MAP3K7CL: variants seen among roughly 807,000 people sequenced by gnomAD.
MAP3K7CL encodes the protein MAP3K7 C-terminal like.
Under a neutral mutation model 18.6 loss-of-function variants are expected in MAP3K7CL, and 16 were observed. That is an observed-to-expected ratio of 0.86 (90% CI 0.58 to 1.31). MAP3K7CL has a LOEUF of 1.31. MAP3K7CL is among the 50% of genes most tolerant of loss of function. MAP3K7CL has a pLI of 0.00. For missense variants in MAP3K7CL, 163 were observed against 174.4 expected, an observed-to-expected ratio of 0.93 and a Z score of 0.37; for synonymous variants, 65 against 66.8, an observed-to-expected ratio of 0.97 and a Z score of 0.13.
intron 4 of MAP3K7CL, chr21:29,109,090 T>G (rs2086374480): frequency 6.5e-7 from 1 of 1,535,166 alleles, no homozygotes; most frequent in South Asian, 1.2e-5. Flanking sequence ...TTGTTCATCA[T>G]TTCATTTCCA....
At chr21:29,077,936 A>G (rs1245003566) in intron 1 of MAP3K7CL, among the ~76,000 whole-genome samples, 1 of 152,204 alleles carries the variant, frequency 6.6e-6, no homozygotes. Flanking sequence ...GGGGTTGGGG[A>G]TGTCTGAGCC....
chr21:29,124,440 A>T (rs1444757997), intron 4 of MAP3K7CL, among the ~76,000 whole-genome samples: 3 of 152,068 alleles, frequency 2.0e-5, no homozygotes, highest in Non-Finnish European at 4.4e-5. Context: ...AAACCATTTA[A>T]GTTTTCATAA....
At chr21:29,164,539 G>T (rs1295031423) in intron 4 of MAP3K7CL, among the ~76,000 whole-genome samples, 2 of 152,230 alleles carry the variant, frequency 1.3e-5, no homozygotes, top group Non-Finnish European at 2.9e-5. Flanking sequence ...TCCAGAGGAG[G>T]TCTCCCTGGA....
chr21:29,094,721 G>C (rs1459487681), intron 4 of MAP3K7CL, among the ~76,000 whole-genome samples: 1 of 152,150 alleles, frequency 6.6e-6, no homozygotes, highest in Non-Finnish European at 1.5e-5. Flanking sequence ...ACCAGACTCG[G>C]TGCACAGCCA....
chr21:29,106,424 C>T (rs773630123), intron 4 of MAP3K7CL, among the ~76,000 whole-genome samples: 5 of 152,052 alleles, frequency 3.3e-5, no homozygotes, highest in African/African-American at 4.8e-5. Flanking sequence ...TCAGGTGATC[C>T]GCCTGAAAAA....
At chr21:29,112,376 C>G (rs181994601) in intron 4 of MAP3K7CL, among the ~76,000 whole-genome samples, 3 of 152,078 alleles carry the variant, frequency 2.0e-5, no homozygotes, top group African/African-American at 7.2e-5. Flanking sequence ...TAGATGCACT[C>G]TTCAATCCTT....
chr21:29,135,291 A>C (rs1300709449), intron 2 of MAP3K7CL, among the ~76,000 whole-genome samples: 1 of 152,144 alleles, frequency 6.6e-6, no homozygotes, highest in Non-Finnish European at 1.5e-5. Flanking sequence ...GATTTCAAGG[A>C]ATAGTCAGTG....
intron 3 of MAP3K7CL, 34 bp from the exon 4 acceptor site, chr21:29,159,907 G>T: frequency 4.5e-6 from 7 of 1,555,316 alleles, no homozygotes; most frequent in Non-Finnish European, 6.2e-6. Context: ...CTGATGCAAA[G>T]AAATGGACTA....
At chr21:29,155,663 G>A (rs1034919513) in intron 3 of MAP3K7CL, among the ~76,000 whole-genome samples, 4 of 152,134 alleles carry the variant, frequency 2.6e-5, no homozygotes, top group Admixed American at 6.6e-5. Flanking sequence ...TAATTGGGGC[G>A]GATACCAGAG....
chr21:29,114,037 A>G (rs1399561586), intron 4 of MAP3K7CL, among the ~76,000 whole-genome samples: 2 of 152,076 alleles, frequency 1.3e-5, no homozygotes, highest in Non-Finnish European at 2.9e-5. Flanking sequence ...AAATAAAAGG[A>G]GAGTTTTATT....
intron 4 of MAP3K7CL, 150 bp from the exon 5 acceptor site, chr21:29,174,562 C>A: frequency 1.1e-6 from 1 of 945,648 alleles, no homozygotes; most frequent in Non-Finnish European, 1.5e-6. Context: ...CAAAGCTGGA[C>A]AAATAAAAGT....
intron 4 of MAP3K7CL, among the ~76,000 whole-genome samples, chr21:29,121,752 G>A (rs2086597618): frequency 6.6e-6 from 1 of 151,646 alleles, no homozygotes; most frequent in Non-Finnish European, 1.5e-5. Context: ...AGAAATGTCT[G>A]AAGGGTACTT....
chr21:29,171,960 G>T, intron 4 of MAP3K7CL, among the ~76,000 whole-genome samples: 1 of 151,342 alleles, frequency 6.6e-6, no homozygotes, highest in Admixed American at 6.6e-5. Flanking sequence ...ATATACATAT[G>T]TGTATGTATA....
At chr21:29,124,846 A>G (rs2086656743) in intron 4 of MAP3K7CL, among the ~76,000 whole-genome samples, 1 of 152,180 alleles carries the variant, frequency 6.6e-6, no homozygotes, top group South Asian at 2.1e-4. Context: ...TCATCCATCC[A>G]TTTGCATATT....
chr21:29,092,603 T>C (rs780801884), intron 4 of MAP3K7CL: 1 of 1,611,200 alleles, frequency 6.2e-7, no homozygotes, highest in South Asian at 1.1e-5. Flanking sequence ...GTCCACTTTC[T>C]GGAAGTCTCA....
At chr21:29,154,718 A>C (rs1200957332) in intron 3 of MAP3K7CL, among the ~76,000 whole-genome samples, 1 of 152,236 alleles carries the variant, frequency 6.6e-6, no homozygotes, top group Non-Finnish European at 1.5e-5. Context: ...TTTAACATCC[A>C]TCTGGAAATG....
At chr21:29,165,989 A>G (rs753253774) in intron 4 of MAP3K7CL, among the ~76,000 whole-genome samples, 8 of 152,138 alleles carry the variant, frequency 5.3e-5, no homozygotes, top group Non-Finnish European at 1.0e-4. Flanking sequence ...CTCCTCAAAC[A>G]TTTGTCATAT....
At chr21:29,113,824 C>T (rs979519811) in intron 4 of MAP3K7CL, among the ~76,000 whole-genome samples, 1 of 152,138 alleles carries the variant, frequency 6.6e-6, no homozygotes, top group Non-Finnish European at 1.5e-5. Context: ...AGCCACCACG[C>T]CCGGCCATAT....
intron 1 of MAP3K7CL, among the ~76,000 whole-genome samples, chr21:29,079,248 G>A (rs1176975733): frequency 2.6e-5 from 4 of 152,296 alleles, no homozygotes; most frequent in African/African-American, 7.2e-5. Flanking sequence ...CCATCTTCTC[G>A]TGTTCCAGGT....
Sources: gnomAD v4.1 joint callset for allele counts (sites outside exome capture counted in the v4.1 genomes callset) on GRCh38, gnomAD v4.1.1 for gene constraint, MANE v1.5 for transcripts, NCBI Gene and HGNC (gene_info 2026-07-23, HGNC 2026-07-21) for gene names.